The following UST variants were observed in gnomAD, a reference collection of about 807,000 sequenced individuals.
UST encodes uronyl 2-sulfotransferase.
UST carries 21 observed loss-of-function variants against 45.6 expected under a neutral mutation model. The observed-to-expected ratio is 0.46, with a 90% confidence interval of 0.33 to 0.66. UST has a LOEUF of 0.66. UST is among the 30% of genes least tolerant of loss of function. UST has a pLI of 0.02. For synonymous variants in UST, 215 were observed against 200.6 expected (o/e 1.07, Z -0.61); for missense variants, 463 against 512.4 (o/e 0.90, Z 0.93).
At chr6:149,033,311 C>T (rs908409673) in intron 7 of UST, among the ~76,000 whole-genome samples, 3 of 152,214 alleles carry the variant, frequency 2.0e-5, no homozygotes, top group Admixed American at 2.0e-4. Flanking sequence ...ACAATCCTTA[C>T]CCATTTTGCA....
chr6:148,854,444 AAATTT>A (rs1411953190), intron 1 of UST, among the ~76,000 whole-genome samples: 15 of 152,218 alleles, frequency 9.9e-5, no homozygotes, highest in Non-Finnish European at 2.1e-4. Flanking sequence ...ATAGAACTGA[AAATTT>A]AATTTTGTCT....
intron 6 of UST, among the ~76,000 whole-genome samples, chr6:149,020,472 G>A (rs1470309558): frequency 6.6e-6 from 1 of 152,142 alleles, no homozygotes; most frequent in Non-Finnish European, 1.5e-5. Context: ...AAATCGTGTA[G>A]TATTTTTCAG....
intron 1 of UST, among the ~76,000 whole-genome samples, chr6:148,754,472 C>T (rs888882908): frequency 6.6e-6 from 1 of 152,154 alleles, no homozygotes; most frequent in Non-Finnish European, 1.5e-5. Context: ...CACCCTTTCT[C>T]CCTGAGTCCC....
rs867125541 is a variant in UST at position 149,073,915 on chromosome 6, G to A, written c.1020G>A (p.Arg340=). The A allele has an allele frequency of 1.2e-6, 2 of 1,614,202 alleles. No homozygotes were observed. Among genetic ancestry groups the A allele is most frequent in the Middle Eastern group, 3.3e-4 (2 of 6,062 alleles). Residue 340 remains arginine (R), a synonymous_variant, in exon 8 of 8, where the codon CGG becomes CGA. Coordinates refer to ENST00000367463, the MANE Select transcript of UST (RefSeq NM_005715.3). ...SPEAVQILYQ[R]MRYEYEFYHY... The stretch of plus-strand genomic sequence containing the variant: ...AGGCTGTGCAGATCCTCTACCAGCG[G>A]ATGAGATACGAGTACGAGTTTTACC...
intron 1 of UST, among the ~76,000 whole-genome samples, chr6:148,788,342 A>AAT (rs763099865): frequency 5.7e-4 from 87 of 151,674 alleles, no homozygotes; most frequent in African/African-American, 1.6e-3. Context: ...TCAACTAGAA[A>AAT]ATATATATAT....
At chr6:148,804,858 T>C (rs2114722283) in intron 1 of UST, among the ~76,000 whole-genome samples, 1 of 150,126 alleles carries the variant, frequency 6.7e-6, no homozygotes. Flanking sequence ...TTATGAACCA[T>C]CTATATGGTT....
intron 2 of UST, among the ~76,000 whole-genome samples, chr6:148,905,908 A>C (rs1037296468): frequency 6.6e-6 from 1 of 152,352 alleles, no homozygotes; most frequent in East Asian, 1.9e-4. Flanking sequence ...ATCATTATAC[A>C]TCATACTGTT....
At chr6:149,057,277 C>T (rs927784303) in intron 7 of UST, among the ~76,000 whole-genome samples, 1 of 152,086 alleles carries the variant, frequency 6.6e-6, no homozygotes, top group Admixed American at 6.6e-5. Flanking sequence ...TACGAGCAAC[C>T]ATACTCCCAT....
At chr6:148,759,275 C>T (rs927885130) in intron 1 of UST, among the ~76,000 whole-genome samples, 5 of 152,140 alleles carry the variant, frequency 3.3e-5, no homozygotes, top group Admixed American at 2.0e-4. Context: ...CCTGTAATCC[C>T]AGCACTTTGG....
chr6:148,757,447 A>G (rs771701184), intron 1 of UST, among the ~76,000 whole-genome samples: 18 of 152,220 alleles, frequency 1.2e-4, no homozygotes, highest in Non-Finnish European at 2.4e-4. Flanking sequence ...GCATGACTTT[A>G]AGTCATGAAG....
intron 3 of UST, among the ~76,000 whole-genome samples, chr6:148,948,031 C>T (rs1780284501): frequency 6.6e-6 from 1 of 152,194 alleles, no homozygotes; most frequent in South Asian, 2.1e-4. Context: ...AATTGAGACC[C>T]AGGCTCTTTG....
At chr6:148,959,388 A>G (rs764427742) in intron 4 of UST, among the ~76,000 whole-genome samples, 1 of 152,250 alleles carries the variant, frequency 6.6e-6, no homozygotes, top group African/African-American at 2.4e-5. Context: ...CTCTGAAGAA[A>G]GCACCAAAGT....
At chr6:148,886,927 C>T in intron 1 of UST, 59 bp from the exon 2 acceptor site, 1 of 1,380,080 alleles carries the variant, frequency 7.2e-7, no homozygotes, top group Non-Finnish European at 1.0e-6. Context: ...AATAACTTTG[C>T]ACTAAATTCA....
chr6:148,827,511 G>A (rs1777594886), intron 1 of UST, among the ~76,000 whole-genome samples: 1 of 151,912 alleles, frequency 6.6e-6, no homozygotes. Flanking sequence ...CCCAACTCAG[G>A]AGGCTGAGGC....
At chr6:149,043,029 C>CTTTCTT (rs1562337843) in intron 7 of UST, among the ~76,000 whole-genome samples, 1 of 101,764 alleles carries the variant, frequency 9.8e-6, no homozygotes, top group Non-Finnish European at 2.1e-5. Flanking sequence ...CTTTTTCTTT[C>CTTTCTT]TTTCTTTCTT....
In UST at chr6:149,020,127, G is replaced by A. The variant is rs115610231; in HGVS notation, c.779+891G>A. Among the ~76,000 whole-genome samples the A allele has an allele frequency of 3.6e-3, 542 of 152,290 alleles. 5 individuals carry two copies. Among genetic ancestry groups the A allele is most frequent in the African/African-American group, 0.012 (507 of 41,558 alleles). On this transcript the variant is annotated intron_variant, in intron 6 of 7. Coordinates refer to ENST00000367463, the MANE Select transcript of UST (RefSeq NM_005715.3). Reference sequence around the variant, plus strand: ...GAACTGCTACTTCTACACCGGCAACGCATTCATTGTACCTTTTTGCTTATG... The same window carrying A: ...GAACTGCTACTTCTACACCGGCAACACATTCATTGTACCTTTTTGCTTATG...
At chr6:148,885,129 G>A (rs146837966) in intron 1 of UST, among the ~76,000 whole-genome samples, 271 of 152,272 alleles carry the variant, frequency 1.8e-3, no homozygotes, top group African/African-American at 5.7e-3. Flanking sequence ...CATTTAAATC[G>A]TTCTTTTTTA....
chr6:148,846,373 C>G (rs1219847260), intron 1 of UST, among the ~76,000 whole-genome samples: 2 of 151,910 alleles, frequency 1.3e-5, no homozygotes, highest in African/African-American at 4.8e-5. Flanking sequence ...TGCATGTTCT[C>G]ACTCATAGGT....
chr6:148,951,855 CATT>C (rs1780371457), intron 3 of UST, among the ~76,000 whole-genome samples: 7 of 152,184 alleles, frequency 4.6e-5, no homozygotes, highest in Admixed American at 2.6e-4. Flanking sequence ...ACTGCTAATC[CATT>C]TTTTTCCTCC....
Sources: gnomAD v4.1 joint callset for allele counts (sites outside exome capture counted in the v4.1 genomes callset) on GRCh38, gnomAD v4.1.1 for gene constraint, MANE v1.5 for transcripts, NCBI Gene and HGNC (gene_info 2026-07-23, HGNC 2026-07-21) for gene names.